The following NKAIN2 variants were observed in gnomAD, a reference collection of about 807,000 sequenced individuals.
The protein encoded by NKAIN2 is sodium/potassium-transporting ATPase subunit beta-1-interacting protein 2.
A neutral mutation model predicts 32.6 loss-of-function variants in NKAIN2; 14 were observed. The observed-to-expected ratio is 0.43, with a 90% CI of 0.28 to 0.67. The LOEUF is 0.67. NKAIN2 is among the 30% of genes least tolerant of loss of function. The pLI, the probability that NKAIN2 is intolerant of heterozygous loss-of-function variation, is 0.17. For synonymous variants in NKAIN2, 80 were observed against 87.2 expected (o/e 0.92, Z 0.46); for missense variants, 198 against 258.3 (o/e 0.77, Z 1.60).
At chr6:124,585,756 G>C (rs950692065) in intron 3 of NKAIN2, among the ~76,000 whole-genome samples, 1 of 152,026 alleles carries the variant, frequency 6.6e-6, no homozygotes, top group Non-Finnish European at 1.5e-5. Context: ...TAAATTTTTT[G>C]TTCTTTTAAA....
intron 1 of NKAIN2, among the ~76,000 whole-genome samples, chr6:123,971,231 T>C (rs1357335189): frequency 6.6e-6 from 1 of 152,094 alleles, no homozygotes; most frequent in Non-Finnish European, 1.5e-5. Context: ...AATGCTCTAG[T>C]AGCTAGATTA....
intron 1 of NKAIN2, among the ~76,000 whole-genome samples, chr6:123,873,894 G>C (rs1773034898): frequency 2.0e-5 from 3 of 152,098 alleles, no homozygotes; most frequent in African/African-American, 7.2e-5. Context: ...TCAGACCTTT[G>C]TGCTTTGTGA....
At chr6:124,768,338 T>A (rs1251599394) in intron 4 of NKAIN2, among the ~76,000 whole-genome samples, 3 of 152,198 alleles carry the variant, frequency 2.0e-5, no homozygotes, top group Non-Finnish European at 2.9e-5. Flanking sequence ...AGCTCCCCAC[T>A]TCTGTCAATG....
At chr6:123,808,520 C>A (rs933342920) in intron 1 of NKAIN2, among the ~76,000 whole-genome samples, 2 of 152,162 alleles carry the variant, frequency 1.3e-5, no homozygotes, top group Non-Finnish European at 2.9e-5. Flanking sequence ...CTCTTCTCTG[C>A]CTTATATATA....
chr6:124,171,428 T>C (rs1179874977), intron 1 of NKAIN2, among the ~76,000 whole-genome samples: 1 of 152,094 alleles, frequency 6.6e-6, no homozygotes, highest in Admixed American at 6.6e-5. Flanking sequence ...TTTATTCGGA[T>C]CCATTCTGGA....
At chr6:124,210,359 G>T (rs1293628346) in intron 1 of NKAIN2, among the ~76,000 whole-genome samples, 8 of 151,886 alleles carry the variant, frequency 5.3e-5, no homozygotes, top group African/African-American at 1.9e-4. Context: ...ATAGTTAAAA[G>T]TCAGGTAATG....
intron 3 of NKAIN2, among the ~76,000 whole-genome samples, chr6:124,470,838 A>T (rs942562823): frequency 2.6e-5 from 4 of 152,160 alleles, no homozygotes; most frequent in Admixed American, 1.3e-4. Flanking sequence ...GTCAATTTAA[A>T]CTTACTCTTT....
intron 2 of NKAIN2, among the ~76,000 whole-genome samples, chr6:124,288,576 G>A (rs1582995386): frequency 1.3e-5 from 2 of 152,114 alleles, no homozygotes; most frequent in African/African-American, 2.4e-5. Context: ...TTAATCTCTA[G>A]TAACAGTGAA....
chr6:123,920,881 A>G (rs1775720943), intron 1 of NKAIN2, among the ~76,000 whole-genome samples: 1 of 152,200 alleles, frequency 6.6e-6, no homozygotes, highest in African/African-American at 2.4e-5. Flanking sequence ...ATGTCAGACA[A>G]GAATACGTGC....
chr6:124,252,665 A>T (rs879896687), intron 1 of NKAIN2, among the ~76,000 whole-genome samples: 1 of 152,146 alleles, frequency 6.6e-6, no homozygotes, highest in Non-Finnish European at 1.5e-5. Flanking sequence ...GTATATTCCA[A>T]ATTTATCAGA....
At chr6:124,531,374 A>C (rs1159019853) in intron 3 of NKAIN2, among the ~76,000 whole-genome samples, 4 of 152,176 alleles carry the variant, frequency 2.6e-5, no homozygotes, top group Non-Finnish European at 5.9e-5. Context: ...CCCTCTTTGC[A>C]TCCATGGGGT....
intron 1 of NKAIN2, among the ~76,000 whole-genome samples, chr6:124,207,155 T>G (rs1790934910): frequency 6.6e-6 from 1 of 151,638 alleles, no homozygotes; most frequent in South Asian, 2.1e-4. Flanking sequence ...TGCCAGGTGC[T>G]AAGGCTCACA....
At chr6:124,611,918 A>AT (rs908235553) in intron 3 of NKAIN2, among the ~76,000 whole-genome samples, 14 of 152,028 alleles carry the variant, frequency 9.2e-5, no homozygotes, top group South Asian at 4.2e-4. Flanking sequence ...TTAGAAGACA[A>AT]TTTTTTTTAT....
At chr6:124,327,323 T>C (rs1205233213) in intron 2 of NKAIN2, among the ~76,000 whole-genome samples, 1 of 152,156 alleles carries the variant, frequency 6.6e-6, no homozygotes, top group African/African-American at 2.4e-5. Context: ...CTATTTTTTC[T>C]TTGTGTATAG....
chr6:124,794,475 A>T (rs776226974), intron 5 of NKAIN2, among the ~76,000 whole-genome samples: 5 of 152,192 alleles, frequency 3.3e-5, no homozygotes, highest in Non-Finnish European at 7.3e-5. Context: ...TCCAAAAAAT[A>T]ACATATATGT....
intron 1 of NKAIN2, among the ~76,000 whole-genome samples, chr6:124,129,216 A>G (rs1786333699): frequency 6.6e-6 from 1 of 152,200 alleles, no homozygotes; most frequent in African/African-American, 2.4e-5. Context: ...TCTTTTTGTC[A>G]AGAGTTGAAA....
At chr6:124,816,698 C>T (rs1312163794) in intron 5 of NKAIN2, among the ~76,000 whole-genome samples, 1 of 152,068 alleles carries the variant, frequency 6.6e-6, no homozygotes, top group Non-Finnish European at 1.5e-5. Flanking sequence ...ATCTGTAGCA[C>T]CCCAAATATT....
At chr6:123,918,765 GT>G (rs1341322821) in intron 1 of NKAIN2, among the ~76,000 whole-genome samples, 4 of 152,050 alleles carry the variant, frequency 2.6e-5, no homozygotes, top group African/African-American at 9.7e-5. Context: ...GGCAAATGTA[GT>G]TTTTTGAATA....
rs373594549 is a variant in NKAIN2, at chr6:124,687,743, TACACAC to T, written c.474+29391_474+29396del. On this transcript the variant is annotated intron_variant, in intron 4 of 6. Coordinates refer to ENST00000368417, the MANE Select transcript of NKAIN2 (RefSeq NM_001040214.3). ...ATATAATATAAATATATATGATATA[TACACAC>T]ACACACACACACACACACACACACA... is the stretch of plus-strand genomic sequence containing the variant. 1.8e-3 allele frequency among the ~76,000 whole-genome samples: 192 copies of T among 104,364 alleles called. 2 individuals carry two copies. The highest frequency in any genetic ancestry group is 5.9e-3 in the African/African-American group (160 of 27,184). 68.5% of individuals were successfully genotyped at this position (104,364 alleles called of 152,430 possible).
Sources: allele counts gnomAD v4.1 joint callset (sites outside exome capture counted in the v4.1 genomes callset), GRCh38; gene constraint gnomAD v4.1.1; transcripts MANE v1.5; gene names NCBI Gene and HGNC (gene_info 2026-07-23, HGNC 2026-07-21).